Variants in TBP observed in about 807,000 individuals in gnomAD.
The protein encoded by TBP is TATA-box-binding protein.
In TBP, 12 loss-of-function variants were observed where a neutral mutation model predicts 46.2. The ratio of observed to expected loss-of-function variants is 0.26; its 90% CI spans 0.17 to 0.42. The LOEUF (loss-of-function observed/expected upper bound fraction) is 0.42. Among genes scored for constraint, TBP ranks in the 10% least tolerant of loss-of-function variants. TBP has a pLI of 1.00. For synonymous variants in TBP, 157 were observed against 148.3 expected (o/e 1.06, Z -0.42); for missense variants, 229 against 403.1 (o/e 0.57, Z 3.70).
At chr6:170,558,131 C>CAAAG (rs555877708) in intron 2 of TBP, among the ~76,000 whole-genome samples, 41 of 152,316 alleles carry the variant, frequency 2.7e-4, no homozygotes, top group African/African-American at 9.6e-4. Context: ...GGGGTCTTTC[C>CAAAG]AGTTTGGAGC....
rs542416667 is a variant in TBP, at chr6:170,570,285, C to T, written c.845+506C>T. Among the ~76,000 whole-genome samples, 17 of 152,306 alleles carry T rather than the reference C, an allele frequency of 1.1e-4. No individual in the cohort carries two copies. In the South Asian group the frequency reaches 3.5e-3, roughly 32 times the overall value. ...GTCTTCTGGTGTCTGTTCACAGGCA[C>T]ATTAGTTCTGTGTGCCCCTGGGGCT... On this transcript the variant is annotated intron_variant, in intron 6 of 7. Coordinates refer to ENST00000392092, the MANE Select transcript of TBP (RefSeq NM_003194.5).
At chr6:170,557,764 A>G (rs1430432125) in intron 2 of TBP, among the ~76,000 whole-genome samples, 2 of 149,654 alleles carry the variant, frequency 1.3e-5, no homozygotes, top group Non-Finnish European at 3.0e-5. Context: ...AAAAAAATCA[A>G]TAACTTTTGT....
At chr6:170,554,499 A>T (rs2114986348) in intron 1 of TBP, 36 bp downstream of exon 1, 1 of 152,714 alleles carries the variant, frequency 6.5e-6, no homozygotes, top group East Asian at 1.9e-4. Context: ...GGTTCGGGCG[A>T]AGGCCACCAC....
intron 2 of TBP, among the ~76,000 whole-genome samples, chr6:170,558,077 T>C (rs1388505726): frequency 6.6e-6 from 1 of 152,238 alleles, no homozygotes; most frequent in South Asian, 2.1e-4. Flanking sequence ...CACTCCATTG[T>C]TTGGATGTTC....
intron 6 of TBP, among the ~76,000 whole-genome samples, chr6:170,571,105 G>T (rs898008745): frequency 1.3e-5 from 2 of 152,146 alleles, no homozygotes; most frequent in African/African-American, 4.8e-5. Flanking sequence ...TATATCTAAT[G>T]ATATAGAGAC....
At chr6:170,563,334 A>G (rs1168088440) in intron 3 of TBP, among the ~76,000 whole-genome samples, 2 of 152,220 alleles carry the variant, frequency 1.3e-5, no homozygotes, top group African/African-American at 4.8e-5. Context: ...AGTCATCCAC[A>G]TTCCTGAATT....
intron 2 of TBP, among the ~76,000 whole-genome samples, chr6:170,559,581 A>C (rs1157728928): frequency 6.6e-6 from 1 of 152,246 alleles, no homozygotes; most frequent in Non-Finnish European, 1.5e-5. Context: ...AGGAAGCTGT[A>C]GAAGAAAGTT....
intron 4 of TBP, among the ~76,000 whole-genome samples, chr6:170,566,426 A>G (rs567920953): frequency 8.5e-5 from 13 of 152,350 alleles, no homozygotes; most frequent in African/African-American, 2.4e-4. Flanking sequence ...CTAAAGACCA[A>G]TTGAAAGCAT....
chr6:170,570,523 A>T (rs1233243082), intron 6 of TBP, among the ~76,000 whole-genome samples: 1 of 152,148 alleles, frequency 6.6e-6, no homozygotes, highest in Non-Finnish European at 1.5e-5. Flanking sequence ...GAAAAATGAG[A>T]TTACTAGGCT....
chr6:170,562,545 A>C (rs1348380139), intron 3 of TBP, among the ~76,000 whole-genome samples: 1 of 152,162 alleles, frequency 6.6e-6, no homozygotes, highest in African/African-American at 2.4e-5. Flanking sequence ...TGATATCGCT[A>C]AATCACAATG....
intron 6 of TBP, among the ~76,000 whole-genome samples, chr6:170,571,086 AGATATCATTATATCTAAT>A (rs878871562): frequency 2.6e-5 from 4 of 152,344 alleles, no homozygotes; most frequent in Admixed American, 2.6e-4. Flanking sequence ...TATCTGCATT[AGATATCATTATATCTAAT>A]GATATAGAGA....
intron 3 of TBP, 122 bp downstream of exon 3, chr6:170,562,355 C>A: frequency 3.5e-6 from 4 of 1,159,420 alleles, no homozygotes; most frequent in Non-Finnish European, 3.6e-6. Flanking sequence ...AATTGTGTAT[C>A]AAAATTTGCT....
At chr6:170,557,735 CAAAAAAAAAA>C (rs35269766) in intron 2 of TBP, among the ~76,000 whole-genome samples, 13 of 52,000 alleles carry the variant, frequency 2.5e-4, no homozygotes, top group East Asian at 5.6e-4. Flanking sequence ...GACTCTGTCT[CAAAAAAAAAA>C]AAAAAAAAAA....
intron 4 of TBP, among the ~76,000 whole-genome samples, chr6:170,565,208 C>A (rs1225042543): frequency 2.0e-5 from 3 of 152,074 alleles, no homozygotes; most frequent in Non-Finnish European, 4.4e-5. Flanking sequence ...TCCTTGACAC[C>A]AATAAAATGA....
intron 6 of TBP, among the ~76,000 whole-genome samples, chr6:170,571,108 A>G (rs557613293): frequency 6.6e-6 from 1 of 152,348 alleles, no homozygotes; most frequent in African/African-American, 2.4e-5. Context: ...ATCTAATGAT[A>G]TAGAGACTGC....
At chr6:170,561,639 A>G (rs987079448) in intron 2 of TBP, 152 bp from the exon 3 acceptor site, 2 of 1,422,166 alleles carry the variant, frequency 1.4e-6, no homozygotes, top group African/African-American at 2.9e-5. Context: ...TGTGTATAAG[A>G]ATAGCTGGTT....
chr6:170,562,236 G>A lies in TBP; in HGVS notation c.497+3G>A. On this transcript the variant is annotated splice_donor_region_variant and intron_variant, in intron 3 of 7. Coordinates refer to ENST00000392092, the MANE Select transcript of TBP (RefSeq NM_003194.5). The stretch of plus-strand genomic sequence containing the variant: ...TCTGGGATTGTACCGCAGCTGCAGT[G>A]AGTACTTCGTGTTTTATGTTTCCTC... The A allele has an allele frequency of 3.7e-6, 6 of 1,611,576 alleles. No homozygotes were observed. The highest frequency in any genetic ancestry group is 5.1e-6 in the Non-Finnish European group (6 of 1,178,014).
At chr6:170,564,463 A>G in intron 3 of TBP, 82 bp from the exon 4 acceptor site, 2 of 919,590 alleles carry the variant, frequency 2.2e-6, no homozygotes, top group South Asian at 3.0e-5. Context: ...AAATAATCAG[A>G]TGTCTGCATA....
In TBP at chr6:170,561,964, G is replaced by GCAA. The variant is rs1554245974; in HGVS notation, c.230_231insACA (p.Gln95dup). 3.6e-5 allele frequency: 32 copies of GCAA among 883,372 alleles called. No individual in the cohort carries two copies. The highest frequency in any genetic ancestry group is 3.5e-4 in the Middle Eastern group (1 of 2,880). 54.7% of individuals were successfully genotyped at this position (883,372 alleles called of 1,614,324 possible). On this transcript the variant is annotated inframe_insertion, in exon 3 of 8. Transcript: ENST00000392092. ...AGCAGCAGCAGCAACAGCAACAGCAGCAGCAGCAGCAGCAGCAGCAGCAGC... is the reference window on the plus strand; with the variant it reads ...AGCAGCAGCAGCAACAGCAACAGCAGCAACAGCAGCAGCAGCAGCAGCAGCAGC...
Sources: allele counts gnomAD v4.1 joint callset (sites outside exome capture counted in the v4.1 genomes callset), GRCh38; gene constraint gnomAD v4.1.1; transcripts MANE v1.5; gene names NCBI Gene and HGNC (gene_info 2026-07-23, HGNC 2026-07-21).